CACNB2: variants seen among roughly 807,000 people sequenced by gnomAD.
CACNB2 encodes the protein voltage-dependent L-type calcium channel subunit beta-2.
In CACNB2, 42 loss-of-function variants were observed where a neutral mutation model predicts 73.3. That is an observed-to-expected ratio of 0.57 (90% CI 0.45 to 0.74). CACNB2 has a LOEUF of 0.74. Ranked by LOEUF, CACNB2 falls within the 30% of genes least tolerant of loss-of-function variation. CACNB2 has a pLI of 0.00. For missense variants in CACNB2, 940 were observed against 853.0 expected, an observed-to-expected ratio of 1.10 and a Z score of -1.27; for synonymous variants, 348 against 310.3, an observed-to-expected ratio of 1.12 and a Z score of -1.28.
chr10:18,325,434 A>G (rs942837869), intron 2 of CACNB2, among the ~76,000 whole-genome samples: 20 of 151,556 alleles, frequency 1.3e-4, no homozygotes, highest in African/African-American at 4.9e-4. Flanking sequence ...GTCTCAGGCA[A>G]TCCTCCTGCC....
At chr10:18,510,865 T>C (rs912433155) in intron 6 of CACNB2, among the ~76,000 whole-genome samples, 1 of 152,180 alleles carries the variant, frequency 6.6e-6, no homozygotes, top group African/African-American at 2.4e-5. Flanking sequence ...TTGGTTAACA[T>C]GTATTGTAGG....
intron 3 of CACNB2, among the ~76,000 whole-genome samples, chr10:18,411,327 T>C (rs2044615090): frequency 6.6e-6 from 1 of 152,160 alleles, no homozygotes; most frequent in African/African-American, 2.4e-5. Context: ...TGACATATAC[T>C]TATGACTGGG....
chr10:18,459,419 A>G (rs1186634752), intron 3 of CACNB2, among the ~76,000 whole-genome samples: 1 of 152,122 alleles, frequency 6.6e-6, no homozygotes, highest in Non-Finnish European at 1.5e-5. Context: ...TCAGAGTTTC[A>G]TGGGGCTGAC....
At chr10:18,361,564 A>C (rs1033746598) in intron 2 of CACNB2, among the ~76,000 whole-genome samples, 4 of 149,496 alleles carry the variant, frequency 2.7e-5, no homozygotes, top group Middle Eastern at 6.9e-3. Flanking sequence ...CTTATCATAC[A>C]TTTCTCCACG....
At chr10:18,251,405 G>A (rs1007634243) in intron 2 of CACNB2, among the ~76,000 whole-genome samples, 3 of 152,026 alleles carry the variant, frequency 2.0e-5, no homozygotes, top group South Asian at 2.1e-4. Flanking sequence ...CTGCCACAAC[G>A]CCCAGCCAAT....
intron 1 of CACNB2, among the ~76,000 whole-genome samples, chr10:18,143,975 G>C (rs747952579): frequency 1.7e-4 from 26 of 152,178 alleles, no homozygotes; most frequent in Non-Finnish European, 3.2e-4. Context: ...TAGAGAGAGG[G>C]AGCATCCTGA....
chr10:18,438,002 ATTTTTTTTTTTTTTTTTTT>A (rs56671616), intron 3 of CACNB2, among the ~76,000 whole-genome samples: 1 of 41,748 alleles, frequency 2.4e-5, no homozygotes, highest in Admixed American at 3.9e-4. Context: ...GCCCAGTTGG[ATTTTTTTTTTTTTTTTTTT>A]TTTTTTTTTT....
chr10:18,272,520 G>C (rs764236027), intron 2 of CACNB2, among the ~76,000 whole-genome samples: 4 of 152,142 alleles, frequency 2.6e-5, no homozygotes, highest in African/African-American at 4.8e-5. Flanking sequence ...ATATGGTTTG[G>C]CTCTGTGTTC....
intron 2 of CACNB2, among the ~76,000 whole-genome samples, chr10:18,357,026 G>A (rs2041949311): frequency 7.2e-6 from 1 of 139,120 alleles, no homozygotes; most frequent in Non-Finnish European, 1.5e-5. Flanking sequence ...CTCACTGCAA[G>A]CTCCGCCTCC....
intron 2 of CACNB2, among the ~76,000 whole-genome samples, chr10:18,290,106 C>CTTTTTTTTT (rs2038998237): frequency 2.5e-5 from 1 of 40,094 alleles, no homozygotes; most frequent in Non-Finnish European, 5.8e-5. Context: ...TTTCTTTTTT[C>CTTTTTTTTT]TTTTTCTTTT....
chr10:18,409,249 G>C (rs1359205892), intron 3 of CACNB2, among the ~76,000 whole-genome samples: 1 of 151,802 alleles, frequency 6.6e-6, no homozygotes, highest in Non-Finnish European at 1.5e-5. Context: ...AGTGAGCCGA[G>C]GTCGTGCCAT....
At chr10:18,398,749 A>G (rs912985) in intron 2 of CACNB2, among the ~76,000 whole-genome samples, 1,866 of 152,142 alleles carry the variant, frequency 0.012, 76 homozygotes, top group South Asian at 0.12. Flanking sequence ...ACTATCAGAG[A>G]TACAAGGAAT....
intron 3 of CACNB2, among the ~76,000 whole-genome samples, chr10:18,410,557 A>T (rs2044563088): frequency 1.3e-5 from 2 of 152,344 alleles, no homozygotes; most frequent in South Asian, 4.1e-4. Flanking sequence ...TGTGAACATT[A>T]TATGGGAGGT....
At position 18,142,485 on chromosome 10, in the gene CACNB2, C is replaced by T. The variant is rs73593734; in HGVS notation, c.120+1629C>T. ...GGTTAGACAGAATGAAAAATGTACC[C>T]GGAGACCTCGGTTATTCTAGGATGA... On this transcript the variant is annotated intron_variant, in intron 1 of 13. Transcript: ENST00000324631. Among the ~76,000 whole-genome samples, 539 of 152,200 alleles carry T rather than the reference C, an allele frequency of 3.5e-3. 5 individuals carry two copies. Among genetic ancestry groups the T allele is most frequent in the African/African-American group, 0.013 (519 of 41,504 alleles).
intron 2 of CACNB2, chr10:18,261,199 G>T: frequency 6.5e-7 from 1 of 1,549,550 alleles, no homozygotes; most frequent in Non-Finnish European, 8.7e-7. Context: ...ATGGACCGAG[G>T]CTGTGACGAG....
At chr10:18,216,369 C>G (rs2035511391) in intron 2 of CACNB2, among the ~76,000 whole-genome samples, 1 of 152,060 alleles carries the variant, frequency 6.6e-6, no homozygotes, top group African/African-American at 2.4e-5. Context: ...TGAGTATAAG[C>G]ACTATCTGGT....
chr10:18,248,380 A>T (rs1401766628), intron 2 of CACNB2, among the ~76,000 whole-genome samples: 2 of 152,226 alleles, frequency 1.3e-5, no homozygotes, highest in Non-Finnish European at 2.9e-5. Flanking sequence ...TCTAATAATT[A>T]AAAAGTAATT....
intron 2 of CACNB2, among the ~76,000 whole-genome samples, chr10:18,193,873 G>C (rs1249485354): frequency 1.3e-5 from 2 of 152,200 alleles, no homozygotes; most frequent in African/African-American, 4.8e-5. Context: ...GCTTTTGTGA[G>C]CTTCCATTCT....
At chr10:18,480,061 A>G (rs1158457195) in intron 3 of CACNB2, among the ~76,000 whole-genome samples, 2 of 152,224 alleles carry the variant, frequency 1.3e-5, no homozygotes, top group Non-Finnish European at 2.9e-5. Flanking sequence ...AGTTATGAAT[A>G]GGGGCATTCA....
Sources: gnomAD v4.1 joint callset for allele counts (sites outside exome capture counted in the v4.1 genomes callset) on GRCh38, gnomAD v4.1.1 for gene constraint, MANE v1.5 for transcripts, NCBI Gene and HGNC (gene_info 2026-07-23, HGNC 2026-07-21) for gene names.